PPP2R2B: variants seen among roughly 807,000 people sequenced by gnomAD.
PPP2R2B encodes protein phosphatase 2 regulatory subunit Bbeta.
Under a neutral mutation model 46.0 loss-of-function variants are expected in PPP2R2B, and 5 were observed. That is an observed-to-expected ratio of 0.11 (90% CI 0.06 to 0.23). The LOEUF (loss-of-function observed/expected upper bound fraction) is 0.23. PPP2R2B is among the 10% of genes least tolerant of loss of function. PPP2R2B has a pLI of 1.00. For synonymous variants in PPP2R2B, 215 were observed against 206.7 expected, an observed-to-expected ratio of 1.04 and a Z score of -0.34; for missense variants, 367 against 575.0, an observed-to-expected ratio of 0.64 and a Z score of 3.70.
intron 1 of PPP2R2B, among the ~76,000 whole-genome samples, chr5:147,050,611 C>T (rs948892494): frequency 3.3e-5 from 5 of 152,048 alleles, no homozygotes; most frequent in South Asian, 2.1e-4. Flanking sequence ...GTCTGTGACT[C>T]GGTTTTCTCA....
At chr5:146,718,638 A>G (rs1780626973) in intron 2 of PPP2R2B, among the ~76,000 whole-genome samples, 1 of 151,930 alleles carries the variant, frequency 6.6e-6, no homozygotes, top group Non-Finnish European at 1.5e-5. Context: ...ATGCACACAC[A>G]CCCTTCTGCT....
intron 1 of PPP2R2B, among the ~76,000 whole-genome samples, chr5:146,951,397 G>T (rs1048971789): frequency 6.6e-6 from 1 of 151,508 alleles, no homozygotes; most frequent in African/African-American, 2.4e-5. Context: ...GGATGTGCAG[G>T]TTTGTTACAT....
intron 2 of PPP2R2B, among the ~76,000 whole-genome samples, chr5:147,072,353 C>T (rs886770448): frequency 2.0e-5 from 3 of 151,990 alleles, no homozygotes; most frequent in Non-Finnish European, 2.9e-5. Flanking sequence ...TAAAAATATC[C>T]ATTATTGTTG....
At chr5:146,860,884 G>C (rs539131805) in intron 2 of PPP2R2B, among the ~76,000 whole-genome samples, 2 of 152,088 alleles carry the variant, frequency 1.3e-5, no homozygotes, top group South Asian at 4.2e-4. Context: ...TCTTGTCGCA[G>C]CCAAGACATA....
At chr5:146,905,341 A>G (rs1762962456) in intron 1 of PPP2R2B, among the ~76,000 whole-genome samples, 1 of 152,246 alleles carries the variant, frequency 6.6e-6, no homozygotes, top group Admixed American at 6.5e-5. Flanking sequence ...TTAGGGAGAA[A>G]TAAAAGCATG....
At chr5:147,046,494 T>C (rs1297327194) in intron 1 of PPP2R2B, among the ~76,000 whole-genome samples, 6 of 152,182 alleles carry the variant, frequency 3.9e-5, no homozygotes, top group African/African-American at 1.4e-4. Context: ...CCTCTAATGA[T>C]GGCAATGATT....
chr5:147,041,204 G>T (rs2151896890), intron 1 of PPP2R2B, among the ~76,000 whole-genome samples: 1 of 152,256 alleles, frequency 6.6e-6, no homozygotes, highest in Non-Finnish European at 1.5e-5. Context: ...TCTAAAAAGG[G>T]CTTCCATGTC....
At chr5:146,823,202 T>G (rs1758374055) in intron 2 of PPP2R2B, among the ~76,000 whole-genome samples, 1 of 152,078 alleles carries the variant, frequency 6.6e-6, no homozygotes, top group Admixed American at 6.5e-5. Flanking sequence ...CTTCTTCTTC[T>G]TCTTCTTTTT....
intron 2 of PPP2R2B, among the ~76,000 whole-genome samples, chr5:146,841,913 C>T (rs573060109): frequency 1.5e-3 from 234 of 152,030 alleles, no homozygotes; most frequent in Middle Eastern, 3.4e-3. Context: ...CACATGTATC[C>T]CAGAATTTAA....
At position 146,706,870 on chromosome 5, in the gene PPP2R2B, G is replaced by T. The variant is rs1451650695; in HGVS notation, c.71-5728C>A. On this transcript the variant is annotated intron_variant, in intron 2 of 9. Transcript: ENST00000394411. ...TGTCCGTGTCCAGGGAGCGGCTGTTGTCAATGGACAGCACCACAGACGTGT... is the reference window on the plus strand; with the variant it reads ...TGTCCGTGTCCAGGGAGCGGCTGTTTTCAATGGACAGCACCACAGACGTGT... The T allele has an allele frequency of 7.2e-6, 9 of 1,251,218 alleles. No individual in the cohort carries two copies. The Admixed American group carries it at 1.5e-4, about 21-fold the overall frequency. The allele number at this position is 1,251,218 out of a possible 1,614,324, so 77.5% of individuals were successfully genotyped here.
In PPP2R2B at chr5:146,800,119, T is replaced by G. The variant is rs146984556; in HGVS notation, c.70+77883A>C. ...GAAGTCAATTCAATCATGAAAGAAATAATATGGATTTTTATAGCTCTAGGT... is the reference window on the plus strand; with the variant it reads ...GAAGTCAATTCAATCATGAAAGAAAGAATATGGATTTTTATAGCTCTAGGT... On this transcript the variant is annotated intron_variant, in intron 2 of 9. Coordinates refer to ENST00000394411, the MANE Select transcript of PPP2R2B (RefSeq NM_181675.4). Among the ~76,000 whole-genome samples the G allele has an allele frequency of 3.9e-3, 595 of 152,284 alleles. 9 individuals carry two copies. Among genetic ancestry groups the G allele is most frequent in the African/African-American group, 0.014 (568 of 41,550 alleles).
At chr5:146,932,731 C>G (rs1381622769) in intron 1 of PPP2R2B, among the ~76,000 whole-genome samples, 3 of 152,100 alleles carry the variant, frequency 2.0e-5, no homozygotes, top group Non-Finnish European at 4.4e-5. Flanking sequence ...TCTAGTGGCC[C>G]AGGTGGCTGA....
chr5:146,735,321 C>G (rs1752471713), intron 2 of PPP2R2B, among the ~76,000 whole-genome samples: 1 of 151,988 alleles, frequency 6.6e-6, no homozygotes, highest in South Asian at 2.1e-4. Flanking sequence ...CCCCTCCCAC[C>G]AAAACCCCCC....
chr5:146,619,833 GA>G (rs1773525793), intron 7 of PPP2R2B, among the ~76,000 whole-genome samples: 1 of 152,068 alleles, frequency 6.6e-6, no homozygotes, highest in African/African-American at 2.4e-5. Flanking sequence ...TCTTTTTCTA[GA>G]AAAACTTCCT....
At chr5:146,710,985 T>C (rs928743699) in intron 2 of PPP2R2B, among the ~76,000 whole-genome samples, 3 of 152,242 alleles carry the variant, frequency 2.0e-5, no homozygotes, top group Non-Finnish European at 4.4e-5. Flanking sequence ...CAGGTATCAC[T>C]TCCTTAAGAA....
At chr5:146,802,186 C>T (rs186135310) in intron 2 of PPP2R2B, among the ~76,000 whole-genome samples, 74 of 152,256 alleles carry the variant, frequency 4.9e-4, no homozygotes, top group Non-Finnish European at 6.5e-4. Context: ...CAGTTTCACG[C>T]CCCCTTTTCT....
intron 5 of PPP2R2B, among the ~76,000 whole-genome samples, chr5:146,673,142 T>C (rs1055820965): frequency 6.6e-6 from 1 of 152,220 alleles, no homozygotes; most frequent in African/African-American, 2.4e-5. Context: ...CAGCAAGAAT[T>C]ATGCAAAGGC....
chr5:146,896,389 G>T (rs1214823706), intron 1 of PPP2R2B, among the ~76,000 whole-genome samples: 1 of 152,128 alleles, frequency 6.6e-6, no homozygotes, highest in Non-Finnish European at 1.5e-5. Flanking sequence ...TGACTGATGT[G>T]GGGCTCAAAC....
rs577006616 is a variant in PPP2R2B at position 147,036,422 on chromosome 5, G to A, written c.79+19243C>T. ...TCTTTATCCAGTCTATCATCGATGGGCACTTAGGTTGACTCCATGTCTTTG... is the reference window on the plus strand; with the variant it reads ...TCTTTATCCAGTCTATCATCGATGGACACTTAGGTTGACTCCATGTCTTTG... On this transcript the variant is annotated intron_variant, in intron 1 of 8. Transcript: ENST00000336640. 3.3e-5 allele frequency among the ~76,000 whole-genome samples: 5 copies of A among 152,210 alleles called. No individual in the cohort carries two copies. The South Asian group carries it at 1.0e-3, about 32-fold the overall frequency.
Sources: allele counts gnomAD v4.1 joint callset (sites outside exome capture counted in the v4.1 genomes callset), GRCh38; gene constraint gnomAD v4.1.1; transcripts MANE v1.5; gene names NCBI Gene and HGNC (gene_info 2026-07-23, HGNC 2026-07-21).